KAZN: variants seen among roughly 807,000 people sequenced by gnomAD.
The protein encoded by KAZN is kazrin, periplakin interacting protein, also known as kazrin.
KAZN carries 40 observed loss-of-function variants against 87.4 expected under a neutral mutation model. The ratio of observed to expected loss-of-function variants is 0.46; its 90% CI spans 0.36 to 0.60. The LOEUF (loss-of-function observed/expected upper bound fraction) is 0.60. Among genes scored for constraint, KAZN ranks in the 20% least tolerant of loss-of-function variants. KAZN has a pLI of 0.00. For missense variants in KAZN, 898 were observed against 1,073.9 expected, an observed-to-expected ratio of 0.84 and a Z score of 2.29; for synonymous variants, 466 against 458.3, an observed-to-expected ratio of 1.02 and a Z score of -0.22.
intron 1 of KAZN, among the ~76,000 whole-genome samples, chr1:13,970,040 A>T (rs183934451): frequency 1.3e-5 from 2 of 152,328 alleles, no homozygotes; most frequent in African/African-American, 4.8e-5. Flanking sequence ...TGATGCCCAA[A>T]TTCATGCTAT....
chr1:14,215,274 A>G (rs1463771184), intron 2 of KAZN, among the ~76,000 whole-genome samples: 1 of 152,202 alleles, frequency 6.6e-6, no homozygotes, highest in Non-Finnish European at 1.5e-5. Flanking sequence ...TGTGATTGTC[A>G]TTACAGGTTA....
intron 2 of KAZN, among the ~76,000 whole-genome samples, chr1:14,561,319 C>G (rs1674238499): frequency 6.6e-6 from 1 of 152,136 alleles, no homozygotes; most frequent in Admixed American, 6.5e-5. Context: ...AATGGCACAG[C>G]TGATAAGAGA....
chr1:14,158,446 G>A (rs1387354928), intron 1 of KAZN, among the ~76,000 whole-genome samples: 1 of 151,740 alleles, frequency 6.6e-6, no homozygotes, highest in East Asian at 1.9e-4. Flanking sequence ...CAAAATTTCT[G>A]CTTGATTTTT....
At chr1:15,091,313 A>T (rs201345535) in intron 8 of KAZN, among the ~76,000 whole-genome samples, 1 of 152,174 alleles carries the variant, frequency 6.6e-6, no homozygotes, top group Non-Finnish European at 1.5e-5. Context: ...AACCACAGTC[A>T]GGGTTACACT....
At chr1:14,601,314 G>A (rs536125764) in intron 1 of KAZN, among the ~76,000 whole-genome samples, 19 of 152,136 alleles carry the variant, frequency 1.2e-4, no homozygotes, top group Non-Finnish European at 2.1e-4. Context: ...AAACTGATAT[G>A]CATTTCAACA....
chr1:14,778,728 G>T (rs1053059530), intron 1 of KAZN, among the ~76,000 whole-genome samples: 1 of 151,952 alleles, frequency 6.6e-6, no homozygotes, highest in Admixed American at 6.5e-5. Context: ...TATACCACCC[G>T]TGGACTCTGC....
intron 2 of KAZN, among the ~76,000 whole-genome samples, chr1:14,589,090 A>G (rs1571995259): frequency 6.6e-6 from 1 of 151,988 alleles, no homozygotes; most frequent in African/African-American, 2.4e-5. Context: ...AGTCAAATCT[A>G]CTTGTTTCTT....
chr1:14,055,709 G>C (rs1034629544), intron 1 of KAZN, among the ~76,000 whole-genome samples: 3 of 152,104 alleles, frequency 2.0e-5, no homozygotes, highest in African/African-American at 7.2e-5. Context: ...CAGTTCCTCT[G>C]CCAAGAACAG....
chr1:14,919,889 C>A (rs1658308187), intron 1 of KAZN, among the ~76,000 whole-genome samples: 1 of 152,110 alleles, frequency 6.6e-6, no homozygotes, highest in Admixed American at 6.6e-5. Context: ...ATAGACTATA[C>A]CATATAGCCT....
intron 2 of KAZN, among the ~76,000 whole-genome samples, chr1:14,481,962 G>T (rs1020674929): frequency 2.0e-5 from 3 of 152,196 alleles, no homozygotes; most frequent in Non-Finnish European, 4.4e-5. Context: ...AGGCAGATGG[G>T]CCCAAGACAG....
chr1:14,433,476 G>T (rs1304962670), intron 2 of KAZN, among the ~76,000 whole-genome samples: 1 of 152,160 alleles, frequency 6.6e-6, no homozygotes, highest in African/African-American at 2.4e-5. Context: ...CTGTGTGATG[G>T]TATTAGGAGA....
At chr1:14,960,981 C>T in intron 2 of KAZN, 106 bp downstream of exon 2, 1 of 1,173,278 alleles carries the variant, frequency 8.5e-7, no homozygotes, top group Non-Finnish European at 1.2e-6. Context: ...AGGGGTCTCC[C>T]AGCACCCACC....
At chr1:14,580,206 T>C (rs1047191226) in intron 2 of KAZN, among the ~76,000 whole-genome samples, 1 of 152,196 alleles carries the variant, frequency 6.6e-6, no homozygotes, top group African/African-American at 2.4e-5. Flanking sequence ...CCAGGCAAGG[T>C]GGCTCACACC....
chr1:14,796,498 A>G (rs977109111), intron 1 of KAZN, among the ~76,000 whole-genome samples: 2 of 152,182 alleles, frequency 1.3e-5, no homozygotes, highest in Admixed American at 6.5e-5. Flanking sequence ...AGCCTGGCAC[A>G]TGGTAGGTGT....
chr1:14,026,916 A>C (rs556195644), intron 1 of KAZN, among the ~76,000 whole-genome samples: 29 of 152,238 alleles, frequency 1.9e-4, no homozygotes, highest in African/African-American at 6.7e-4. Context: ...GGGAAGTGAC[A>C]TCCAAACCGA....
chr1:14,740,551 CA>C (rs1003571872), intron 1 of KAZN, among the ~76,000 whole-genome samples: 34 of 152,170 alleles, frequency 2.2e-4, no homozygotes, highest in African/African-American at 7.9e-4. Flanking sequence ...TCCGCCCCCC[CA>C]AAAAAATGAA....
chr1:14,374,222 T>A (rs551916376), intron 2 of KAZN, among the ~76,000 whole-genome samples: 1 of 152,226 alleles, frequency 6.6e-6, no homozygotes, highest in Non-Finnish European at 1.5e-5. Flanking sequence ...CCTGTCCTTG[T>A]AGGTGTCCTG....
At chr1:14,715,687 G>A (rs1642756806) in intron 1 of KAZN, among the ~76,000 whole-genome samples, 1 of 152,212 alleles carries the variant, frequency 6.6e-6, no homozygotes, top group Admixed American at 6.5e-5. Flanking sequence ...TACCCTGAAA[G>A]TCTCTGCAGC....
chr1:14,883,349 A>AGGGAGG (rs1376505493), intron 1 of KAZN, among the ~76,000 whole-genome samples: 6 of 38,124 alleles, frequency 1.6e-4, no homozygotes, highest in Non-Finnish European at 2.2e-4. Flanking sequence ...AGAGAAAGAA[A>AGGGAGG]GAAAGAAAAG....
Sources: allele counts gnomAD v4.1 joint callset (sites outside exome capture counted in the v4.1 genomes callset), GRCh38; gene constraint gnomAD v4.1.1; transcripts MANE v1.5; gene names NCBI Gene and HGNC (gene_info 2026-07-23, HGNC 2026-07-21).